Variants in RASA2 observed in about 807,000 individuals in gnomAD.
RASA2 encodes ras GTPase-activating protein 2.
A neutral mutation model predicts 118.2 loss-of-function variants in RASA2; 155 were observed. That is an observed-to-expected ratio of 1.31 (90% CI 1.15 to 1.50). The LOEUF (loss-of-function observed/expected upper bound fraction) is 1.50, where lower values mean the gene tolerates loss of function less well. RASA2 is among the 40% of genes most tolerant of loss of function. The pLI is 0.00. For missense variants in RASA2, 1,016 were observed against 1,009.6 expected, an observed-to-expected ratio of 1.01 and a Z score of -0.09; for synonymous variants, 353 against 349.1, an observed-to-expected ratio of 1.01 and a Z score of -0.12.
At chr3:141,509,751 T>G (rs2081922517) in intron 1 of RASA2, among the ~76,000 whole-genome samples, 1 of 152,156 alleles carries the variant, frequency 6.6e-6, no homozygotes, top group African/African-American at 2.4e-5. Context: ...GGTAAATGGA[T>G]GAGCTTTGGA....
At chr3:141,497,271 T>C (rs1046906434) in intron 1 of RASA2, among the ~76,000 whole-genome samples, 4 of 150,966 alleles carry the variant, frequency 2.6e-5, no homozygotes, top group East Asian at 2.0e-4. Flanking sequence ...TGTATACATA[T>C]GTAACAAACC....
At chr3:141,567,531 T>C (rs2082841364) in intron 9 of RASA2, among the ~76,000 whole-genome samples, 1 of 152,340 alleles carries the variant, frequency 6.6e-6, no homozygotes, top group South Asian at 2.1e-4. Context: ...TTTTAATGTA[T>C]TTTAAAACTT....
At chr3:141,575,690 A>C (rs371916364) in intron 14 of RASA2, among the ~76,000 whole-genome samples, 178 of 152,202 alleles carry the variant, frequency 1.2e-3, no homozygotes, top group African/African-American at 4.1e-3. Flanking sequence ...GCCATTCACT[A>C]TACTCTATAC....
rs1304150282 is a variant in RASA2, at chr3:141,614,420, T to C, written c.*2107T>C. ...CTTTTGAAATAAGAGACCATGTAAG[T>C]AGGACCCTAAGACAACCAAGGAATT... On this transcript the variant is annotated 3_prime_UTR_variant, in exon 24 of 24. Coordinates refer to ENST00000286364, the MANE Select transcript of RASA2 (RefSeq NM_006506.5). 6.6e-6 allele frequency: 1 copy of C among 152,214 alleles called. No individual in the cohort carries two copies. The highest frequency in any genetic ancestry group is 2.4e-5 in the African/African-American group (1 of 41,456). The allele number at this position is 152,214 out of a possible 1,614,324, so 9.4% of individuals were successfully genotyped here. A position where few individuals can be genotyped will look rare whatever the true frequency, so the allele number is the denominator to read the frequency against.
intron 13 of RASA2, 84 bp downstream of exon 13, chr3:141,573,305 C>T: frequency 2.9e-6 from 4 of 1,379,238 alleles, no homozygotes; most frequent in Non-Finnish European, 3.8e-6. Flanking sequence ...ATGATAAAGC[C>T]ATATAGAGGG....
chr3:141,571,387 T>A lies in RASA2; in HGVS notation c.1021-19T>A, dbSNP rs760987485. The A allele has an allele frequency of 1.2e-6, 2 of 1,605,636 alleles. No homozygotes were observed. Among genetic ancestry groups the A allele is most frequent in the African/African-American group, 2.7e-5 (2 of 74,416 alleles). On this transcript the variant is annotated intron_variant, in intron 10 of 23. Transcript: ENST00000286364. ...GTTTCCTTGATGTTTGTGCTTGTTTTCTACCTTTCTGTATTTAGCCAATAT... is the reference window on the plus strand; with the variant it reads ...GTTTCCTTGATGTTTGTGCTTGTTTACTACCTTTCTGTATTTAGCCAATAT...
intron 2 of RASA2, among the ~76,000 whole-genome samples, chr3:141,513,675 A>G (rs1043699016): frequency 6.6e-6 from 1 of 152,228 alleles, no homozygotes; most frequent in Non-Finnish European, 1.5e-5. Context: ...AGGGAAAAAT[A>G]TAGTGACAAA....
At chr3:141,604,633 G>C (rs1342954886) in intron 19 of RASA2, among the ~76,000 whole-genome samples, 1 of 151,738 alleles carries the variant, frequency 6.6e-6, no homozygotes, top group East Asian at 1.9e-4. Context: ...ACTATTTTTT[G>C]TATAACACAT....
chr3:141,587,998 A>G (rs1484941067), intron 19 of RASA2, among the ~76,000 whole-genome samples: 2 of 152,202 alleles, frequency 1.3e-5, no homozygotes, highest in Non-Finnish European at 2.9e-5. Context: ...CTATGGACCT[A>G]TAGATCAGAT....
chr3:141,580,085 A>ATATATATATATATAT (rs1353911779), intron 15 of RASA2, among the ~76,000 whole-genome samples: 7 of 59,594 alleles, frequency 1.2e-4, no homozygotes, highest in Non-Finnish European at 2.1e-4. Flanking sequence ...AAAAAAAAAA[A>ATATATATATATATAT]ATATATATAT....
chr3:141,585,954 T>A, intron 17 of RASA2, 71 bp from the exon 18 acceptor site: 2 of 1,220,100 alleles, frequency 1.6e-6, no homozygotes, highest in Non-Finnish European at 1.2e-6. Context: ...ATTAATGACA[T>A]GTAAGATAAA....
intron 17 of RASA2, among the ~76,000 whole-genome samples, chr3:141,585,345 A>G (rs557409495): frequency 1.8e-4 from 27 of 152,344 alleles, no homozygotes; most frequent in African/African-American, 5.8e-4. Flanking sequence ...GCCTTACACC[A>G]GTTCAGGTTA....
At chr3:141,580,340 T>G (rs763004461) in intron 15 of RASA2, 28 bp from the exon 16 acceptor site, 1 of 1,481,852 alleles carries the variant, frequency 6.7e-7, no homozygotes, top group East Asian at 2.3e-5. Flanking sequence ...GAAAACTTAG[T>G]AGTTTTGGTC....
chr3:141,563,022 T>C (rs1021527062), intron 9 of RASA2, among the ~76,000 whole-genome samples: 2 of 152,212 alleles, frequency 1.3e-5, no homozygotes, highest in East Asian at 3.9e-4. Flanking sequence ...TTACATAGCA[T>C]TATGTACAAA....
intron 9 of RASA2, among the ~76,000 whole-genome samples, chr3:141,570,143 C>A (rs1158904018): frequency 7.6e-6 from 1 of 131,778 alleles, no homozygotes; most frequent in Non-Finnish European, 1.6e-5. Context: ...GCAAATTTCT[C>A]TTAAGTTCAA....
chr3:141,565,535 T>A (rs1170726286), intron 9 of RASA2, among the ~76,000 whole-genome samples: 1 of 152,202 alleles, frequency 6.6e-6, no homozygotes, highest in Non-Finnish European at 1.5e-5. Flanking sequence ...CAAATCCCCA[T>A]ACTGTTCTTG....
intron 21 of RASA2, among the ~76,000 whole-genome samples, 187 bp downstream of exon 21, chr3:141,608,884 A>G (rs2083591373): frequency 6.6e-6 from 1 of 152,262 alleles, no homozygotes; most frequent in South Asian, 2.1e-4. Flanking sequence ...TAACATTGAT[A>G]TAAAGTGTCT....
intron 1 of RASA2, among the ~76,000 whole-genome samples, chr3:141,506,068 A>G (rs2081861516): frequency 1.3e-5 from 2 of 152,222 alleles, no homozygotes; most frequent in African/African-American, 4.8e-5. Flanking sequence ...CCTTTAAGAA[A>G]GAAGACTTTA....
rs538154285 is a variant in RASA2, at chr3:141,488,760, T to G, written c.133+1544T>G. Among the ~76,000 whole-genome samples, 3 of 152,348 alleles carry G rather than the reference T, an allele frequency of 2.0e-5. No homozygotes were observed. The South Asian group carries it at 6.2e-4, about 32-fold the overall frequency. The stretch of plus-strand genomic sequence containing the variant: ...TTTCAACTTTTGCATATATCTAATT[T>G]AACATTTGGGAAAACTGTAAATGGG... On this transcript the variant is annotated intron_variant, in intron 1 of 23. Transcript: ENST00000286364.
Sources: allele counts gnomAD v4.1 joint callset (sites outside exome capture counted in the v4.1 genomes callset), GRCh38; gene constraint gnomAD v4.1.1; transcripts MANE v1.5; gene names NCBI Gene and HGNC (gene_info 2026-07-23, HGNC 2026-07-21).